Variants in ARHGAP24 observed in about 807,000 individuals in gnomAD.
ARHGAP24 encodes the protein rho GTPase-activating protein 24.
A neutral mutation model predicts 76.4 loss-of-function variants in ARHGAP24; 50 were observed. The observed-to-expected ratio is 0.65, with a 90% CI of 0.52 to 0.83. ARHGAP24 has a LOEUF of 0.83. Among genes scored for constraint, ARHGAP24 ranks in the 40% least tolerant of loss-of-function variants. The pLI, the probability that ARHGAP24 is intolerant of heterozygous loss-of-function variation, is 0.00. For synonymous variants in ARHGAP24, 345 were observed against 323.3 expected (o/e 1.07, Z -0.72); for missense variants, 930 against 914.2 (o/e 1.02, Z -0.22).
At chr4:85,597,601 T>C (rs1578066064) in intron 2 of ARHGAP24, among the ~76,000 whole-genome samples, 1 of 143,852 alleles carries the variant, frequency 7.0e-6, no homozygotes, top group East Asian at 2.1e-4. Flanking sequence ...TTTGAAAATA[T>C]AACATTTATA....
intron 3 of ARHGAP24, among the ~76,000 whole-genome samples, chr4:85,815,290 TTTCTCCTCAGAAAA>T (rs1476925280): frequency 6.6e-6 from 1 of 152,188 alleles, no homozygotes; most frequent in Non-Finnish European, 1.5e-5. Flanking sequence ...GCATCTTGAA[TTTCTCCTCAGAAAA>T]TTGGTTTTTC....
intron 1 of ARHGAP24, among the ~76,000 whole-genome samples, chr4:85,497,921 T>C (rs867917040): frequency 2.6e-5 from 4 of 152,202 alleles, no homozygotes; most frequent in Admixed American, 6.5e-5. Context: ...CACGGCAGTT[T>C]TGCCAGGTTT....
At chr4:85,625,242 A>T (rs919510577) in intron 2 of ARHGAP24, among the ~76,000 whole-genome samples, 4 of 151,716 alleles carry the variant, frequency 2.6e-5, no homozygotes, top group Non-Finnish European at 5.9e-5. Context: ...TACTGCTTTG[A>T]ATGTGTCCCA....
In ARHGAP24 at chr4:86,000,719, G is replaced by A. The variant is rs754973576; in HGVS notation, c.2244G>A (p.Gln748=). 9.3e-6 allele frequency: 15 copies of A among 1,613,732 alleles called. No homozygotes were observed. In the African/African-American group the frequency reaches 1.6e-4, roughly 17 times the overall value. Residue 748 remains glutamine, a synonymous_variant, in exon 10 of 10, where the codon CAG becomes CAA. Coordinates refer to ENST00000395184, the MANE Select transcript of ARHGAP24 (RefSeq NM_001025616.3). ...RTERGNTIWI[Q] is the part of the protein sequence containing the mutation. Reference sequence around the variant, plus strand: ...AGAGAGGAAACACAATATGGATTCAGTGAGCCTGCTTTCGCCTGCTGTCTC... The same window carrying A: ...AGAGAGGAAACACAATATGGATTCAATGAGCCTGCTTTCGCCTGCTGTCTC...
chr4:85,888,268 G>A (rs1039915430), intron 3 of ARHGAP24, among the ~76,000 whole-genome samples: 1 of 151,970 alleles, frequency 6.6e-6, no homozygotes, highest in African/African-American at 2.4e-5. Context: ...GGACGTGGTG[G>A]CGCACACTTG....
intron 3 of ARHGAP24, among the ~76,000 whole-genome samples, chr4:85,802,746 G>T (rs776378461): frequency 1.3e-5 from 2 of 152,124 alleles, no homozygotes; most frequent in Non-Finnish European, 2.9e-5. Context: ...AGCTGAGACC[G>T]CACCATTGCA....
intron 3 of ARHGAP24, among the ~76,000 whole-genome samples, chr4:85,905,274 A>AT (rs1411079599): frequency 3.9e-5 from 6 of 152,056 alleles, no homozygotes; most frequent in Non-Finnish European, 8.8e-5. Context: ...ACTAACCAGC[A>AT]TTTTTTTAAG....
intron 3 of ARHGAP24, among the ~76,000 whole-genome samples, chr4:85,848,260 T>C (rs1731000373): frequency 6.6e-6 from 1 of 152,200 alleles, no homozygotes. Context: ...TATATACATG[T>C]GCCATGTTGG....
At chr4:85,736,349 C>A (rs955479070) in intron 3 of ARHGAP24, among the ~76,000 whole-genome samples, 1 of 151,836 alleles carries the variant, frequency 6.6e-6, no homozygotes, top group Non-Finnish European at 1.5e-5. Context: ...CATGTCATAA[C>A]CATTTATAAA....
rs138156475 is a variant in ARHGAP24 at position 85,591,093 on chromosome 4, G to A, written c.180+20372G>A. On this transcript the variant is annotated intron_variant, in intron 2 of 9. Transcript: ENST00000395184. ...GAGTTTTGCTCTTGTAGCCCAGGCTGGTGTGCAATGGCACAATTTCAACTC... is the reference window on the plus strand; with the variant it reads ...GAGTTTTGCTCTTGTAGCCCAGGCTAGTGTGCAATGGCACAATTTCAACTC... Among the ~76,000 whole-genome samples the A allele has an allele frequency of 3.2e-3, 393 of 121,084 alleles. 5 individuals carry two copies. The highest frequency in any genetic ancestry group is 0.011 in the African/African-American group (358 of 31,440). The allele number at this position is 121,084 out of a possible 152,430, so 79.4% of individuals were successfully genotyped here.
chr4:85,711,257 A>G (rs890655255), intron 2 of ARHGAP24, among the ~76,000 whole-genome samples: 1 of 151,972 alleles, frequency 6.6e-6, no homozygotes, highest in Non-Finnish European at 1.5e-5. Flanking sequence ...TAAAGGGTGG[A>G]AGGAGGGAGA....
At chr4:85,736,082 C>A (rs1218199714) in intron 3 of ARHGAP24, among the ~76,000 whole-genome samples, 2 of 152,132 alleles carry the variant, frequency 1.3e-5, no homozygotes, top group African/African-American at 2.4e-5. Context: ...TAGAATGGCT[C>A]CTCCCATCAT....
chr4:85,986,850 T>A (rs1485895532), intron 8 of ARHGAP24, among the ~76,000 whole-genome samples: 1 of 152,114 alleles, frequency 6.6e-6, no homozygotes, highest in African/African-American at 2.4e-5. Flanking sequence ...TGTGTAGAGT[T>A]CTCACAAAGG....
At chr4:85,491,873 G>A (rs1404316373) in intron 1 of ARHGAP24, among the ~76,000 whole-genome samples, 1 of 152,186 alleles carries the variant, frequency 6.6e-6, no homozygotes. Flanking sequence ...CTGAGCAGGT[G>A]ACAGCTGTGA....
At chr4:85,943,767 T>C (rs1187802132) in intron 5 of ARHGAP24, among the ~76,000 whole-genome samples, 1 of 151,976 alleles carries the variant, frequency 6.6e-6, no homozygotes, top group Admixed American at 6.6e-5. Context: ...GCTTCATCCA[T>C]GTCGCTGCAA....
chr4:85,715,449 A>G (rs1327170469), intron 2 of ARHGAP24, among the ~76,000 whole-genome samples: 1 of 152,052 alleles, frequency 6.6e-6, no homozygotes, highest in African/African-American at 2.4e-5. Context: ...CTTTTGTACA[A>G]ACTTCGCATG....
chr4:85,696,519 T>G (rs1243946191), intron 2 of ARHGAP24, among the ~76,000 whole-genome samples: 1 of 152,222 alleles, frequency 6.6e-6, no homozygotes, highest in Non-Finnish European at 1.5e-5. Context: ...ACCTGAGTCA[T>G]TTCAGATTCA....
At chr4:85,968,389 CTGAAAT>C (rs1420738013) in intron 5 of ARHGAP24, among the ~76,000 whole-genome samples, 1 of 152,108 alleles carries the variant, frequency 6.6e-6, no homozygotes, top group Non-Finnish European at 1.5e-5. Flanking sequence ...TTGGTGAAGA[CTGAAAT>C]GTATTTCTCT....
chr4:85,611,495 A>C (rs1720379680), intron 2 of ARHGAP24, among the ~76,000 whole-genome samples: 1 of 152,222 alleles, frequency 6.6e-6, no homozygotes, highest in African/African-American at 2.4e-5. Context: ...TTTTTTAGGG[A>C]TTTAGAAATT....
Sources: gnomAD v4.1 joint callset for allele counts (sites outside exome capture counted in the v4.1 genomes callset) on GRCh38, gnomAD v4.1.1 for gene constraint, MANE v1.5 for transcripts, NCBI Gene and HGNC (gene_info 2026-07-23, HGNC 2026-07-21) for gene names.